The following LRRC4C variants were observed in gnomAD, a reference collection of about 807,000 sequenced individuals.
LRRC4C encodes the protein leucine-rich repeat-containing protein 4C.
LRRC4C carries 5 observed loss-of-function variants against 33.6 expected under a neutral mutation model. That is an observed-to-expected ratio of 0.15 (90% CI 0.08 to 0.31). LRRC4C has a LOEUF of 0.31. Among genes scored for constraint, LRRC4C ranks in the 10% least tolerant of loss-of-function variants. The pLI is 1.00. For missense variants in LRRC4C, 560 were observed against 796.7 expected (o/e 0.70, Z 3.58); for synonymous variants, 329 against 302.0 (o/e 1.09, Z -0.93).
chr11:40,823,740 T>C (rs1363080329), intron 2 of LRRC4C, among the ~76,000 whole-genome samples: 2 of 151,822 alleles, frequency 1.3e-5, no homozygotes, highest in African/African-American at 4.8e-5. Context: ...CCAATAAATA[T>C]GTAAAATGGT....
intron 1 of LRRC4C, among the ~76,000 whole-genome samples, chr11:41,124,560 A>G (rs931699208): frequency 1.3e-5 from 2 of 151,276 alleles, no homozygotes; most frequent in Non-Finnish European, 2.9e-5. Flanking sequence ...TTCTGCTCTC[A>G]GATTCTACAC....
At chr11:40,932,654 A>C (rs1957677021) in intron 2 of LRRC4C, among the ~76,000 whole-genome samples, 1 of 152,180 alleles carries the variant, frequency 6.6e-6, no homozygotes, top group Non-Finnish European at 1.5e-5. Flanking sequence ...GTATAGGTAA[A>C]GATAAAGAGA....
intron 2 of LRRC4C, among the ~76,000 whole-genome samples, chr11:40,796,168 A>G (rs536947093): frequency 6.6e-6 from 1 of 152,282 alleles, no homozygotes; most frequent in Admixed American, 6.5e-5. Flanking sequence ...TCTAATTCCT[A>G]TGCATGCCCT....
At chr11:41,286,873 A>G (rs1402607237) in intron 1 of LRRC4C, among the ~76,000 whole-genome samples, 4 of 152,118 alleles carry the variant, frequency 2.6e-5, no homozygotes, top group Admixed American at 2.6e-4. Flanking sequence ...TGACCTTACA[A>G]TTTAGGAAAG....
intron 3 of LRRC4C, among the ~76,000 whole-genome samples, chr11:40,383,920 A>AATTATTATTATT (rs143241296): frequency 0.19 from 25,933 of 135,176 alleles, 2,692 homozygotes; most frequent in East Asian, 0.24. Context: ...TTTTAATTCA[A>AATTATTATTATT]ATTATTATTA....
intron 3 of LRRC4C, among the ~76,000 whole-genome samples, chr11:40,542,618 C>T (rs184361941): frequency 2.0e-5 from 3 of 150,688 alleles, no homozygotes; most frequent in Non-Finnish European, 4.4e-5. Context: ...GCAAGCCCTG[C>T]GTTCACAGGG....
At chr11:40,803,634 G>T (rs1951128676) in intron 2 of LRRC4C, among the ~76,000 whole-genome samples, 1 of 151,416 alleles carries the variant, frequency 6.6e-6, no homozygotes, top group Non-Finnish European at 1.5e-5. Context: ...ATTTTTTTGA[G>T]AAAGAGTCTC....
rs572537657 is a variant in LRRC4C at position 40,122,325 on chromosome 11, A to G, written c.-42-5991T>C. 4.6e-5 allele frequency among the ~76,000 whole-genome samples: 7 copies of G among 152,190 alleles called. No homozygotes were observed. In the South Asian group the frequency reaches 1.5e-3, roughly 32 times the overall value. On this transcript the variant is annotated intron_variant, in intron 6 of 6. Coordinates refer to ENST00000528697, the MANE Select transcript of LRRC4C (RefSeq NM_001258419.2). ...TTGTTACATAGGTTAAACGTGTGCCATAGTGGTTTGCTACACCTATCAACC... is the reference window on the plus strand; with the variant it reads ...TTGTTACATAGGTTAAACGTGTGCCGTAGTGGTTTGCTACACCTATCAACC...
At chr11:40,144,774 T>C (rs569717829) in intron 5 of LRRC4C, among the ~76,000 whole-genome samples, 2 of 152,336 alleles carry the variant, frequency 1.3e-5, no homozygotes, top group African/African-American at 4.8e-5. Context: ...GATGAGTTAA[T>C]AGAAGAAATC....
At chr11:40,543,002 G>A (rs72885139) in intron 3 of LRRC4C, among the ~76,000 whole-genome samples, 13,547 of 152,008 alleles carry the variant, frequency 0.089, 1,725 homozygotes, top group African/African-American at 0.28. Flanking sequence ...TCTTTCAATA[G>A]CTTCTTAAGT....
At chr11:40,769,360 T>C (rs1235415846) in intron 2 of LRRC4C, among the ~76,000 whole-genome samples, 6 of 152,114 alleles carry the variant, frequency 3.9e-5, no homozygotes, top group African/African-American at 1.2e-4. Context: ...ATACTCCACA[T>C]TCATGGTTTG....
chr11:40,241,443 T>G (rs574449438), intron 5 of LRRC4C, 76 bp downstream of exon 5: 8 of 152,200 alleles, frequency 5.3e-5, no homozygotes, highest in African/African-American at 1.9e-4. Flanking sequence ...AAAAAACCTT[T>G]AAAAGATTAT....
chr11:40,634,216 A>G (rs1424987912), intron 3 of LRRC4C, among the ~76,000 whole-genome samples: 2 of 152,220 alleles, frequency 1.3e-5, no homozygotes, highest in East Asian at 1.9e-4. Context: ...TCTTTCAATA[A>G]TGATTCCTAA....
intron 3 of LRRC4C, among the ~76,000 whole-genome samples, chr11:40,450,446 T>G (rs910010252): frequency 6.6e-6 from 1 of 152,108 alleles, no homozygotes; most frequent in Non-Finnish European, 1.5e-5. Flanking sequence ...TTATATTATT[T>G]TTGATATAAA....
chr11:40,221,288 T>C (rs1864397139), intron 5 of LRRC4C, among the ~76,000 whole-genome samples: 3 of 152,252 alleles, frequency 2.0e-5, no homozygotes, highest in African/African-American at 7.2e-5. Context: ...TGACTTGTAA[T>C]GATTTGTATT....
chr11:40,245,044 CTTTG>C (rs1590806431), intron 4 of LRRC4C, among the ~76,000 whole-genome samples: 2 of 152,146 alleles, frequency 1.3e-5, no homozygotes, highest in East Asian at 3.9e-4. Flanking sequence ...TTTTCAGCTA[CTTTG>C]TTTGTGACCT....
At chr11:40,208,503 A>T (rs1253359473) in intron 5 of LRRC4C, among the ~76,000 whole-genome samples, 1 of 152,118 alleles carries the variant, frequency 6.6e-6, no homozygotes, top group Non-Finnish European at 1.5e-5. Context: ...ATTGAAGTAG[A>T]GTCCTGGTAT....
At chr11:41,287,702 T>C (rs1487786848) in intron 1 of LRRC4C, among the ~76,000 whole-genome samples, 1 of 152,178 alleles carries the variant, frequency 6.6e-6, no homozygotes, top group African/African-American at 2.4e-5. Flanking sequence ...AAACCGCTTA[T>C]AAAATTATGT....
intron 2 of LRRC4C, among the ~76,000 whole-genome samples, chr11:40,858,587 T>C (rs889190717): frequency 6.6e-6 from 1 of 150,496 alleles, no homozygotes. Flanking sequence ...ACAGTTACTC[T>C]GGTGGCTGAG....
Sources: allele counts gnomAD v4.1 joint callset (sites outside exome capture counted in the v4.1 genomes callset), GRCh38; gene constraint gnomAD v4.1.1; transcripts MANE v1.5; gene names NCBI Gene and HGNC (gene_info 2026-07-23, HGNC 2026-07-21).